LRP1B: variants seen among roughly 807,000 people sequenced by gnomAD.
LRP1B encodes LDL receptor related protein 1B.
LRP1B carries 217 observed loss-of-function variants against 556.6 expected under a neutral mutation model. That is an observed-to-expected ratio of 0.39 (90% confidence interval 0.35 to 0.44). The LOEUF is 0.44. Among genes scored for constraint, LRP1B ranks in the 20% least tolerant of loss-of-function variants. The pLI is 1.00. For missense variants in LRP1B, 5,053 were observed against 5,620.8 expected (o/e 0.90, Z 3.23); for synonymous variants, 2,047 against 1,865.8 (o/e 1.10, Z -2.50).
At chr2:140,406,185 C>A (rs1042676288) in intron 66 of LRP1B, among the ~76,000 whole-genome samples, 1 of 152,072 alleles carries the variant, frequency 6.6e-6, no homozygotes, top group Non-Finnish European at 1.5e-5. Flanking sequence ...ATAGACGGAA[C>A]TTATGTCAAA....
chr2:142,042,538 T>C (rs1704098868), intron 1 of LRP1B, among the ~76,000 whole-genome samples: 1 of 151,528 alleles, frequency 6.6e-6, no homozygotes. Flanking sequence ...CAGGTAGTTC[T>C]GAATTATGAC....
chr2:141,037,632 T>C (rs1161827798), intron 11 of LRP1B, among the ~76,000 whole-genome samples: 1 of 152,000 alleles, frequency 6.6e-6, no homozygotes, highest in African/African-American at 2.4e-5. Flanking sequence ...CTCACAGTAA[T>C]TCTGCAGACC....
intron 2 of LRP1B, among the ~76,000 whole-genome samples, chr2:141,772,026 C>T (rs1694917406): frequency 6.6e-6 from 1 of 152,016 alleles, no homozygotes; most frequent in South Asian, 2.1e-4. Context: ...ACCATGTTGG[C>T]GAGGTTGTCT....
intron 3 of LRP1B, among the ~76,000 whole-genome samples, chr2:141,290,684 GAAAC>G (rs562784501): frequency 1.6e-4 from 24 of 151,954 alleles, no homozygotes; most frequent in South Asian, 8.3e-4. Context: ...GGTTCAGTAG[GAAAC>G]AAACAAACAA....
intron 75 of LRP1B, among the ~76,000 whole-genome samples, chr2:140,355,650 A>G (rs576068881): frequency 3.9e-5 from 6 of 151,980 alleles, no homozygotes; most frequent in African/African-American, 1.2e-4. Flanking sequence ...AGCCAGACTT[A>G]GTTATTTTAG....
chr2:141,493,851 C>A (rs376147987), intron 2 of LRP1B, among the ~76,000 whole-genome samples: 1 of 152,182 alleles, frequency 6.6e-6, no homozygotes, highest in Non-Finnish European at 1.5e-5. Context: ...ATCTCACATG[C>A]TTTGCCTTGA....
rs557072735 is a variant in LRP1B at position 141,294,175 on chromosome 2, A to G, written c.344-39534T>C. 6.6e-5 allele frequency among the ~76,000 whole-genome samples: 10 copies of G among 152,230 alleles called. No individual in the cohort carries two copies. In the East Asian group the frequency reaches 1.9e-3, roughly 29 times the overall value. ...CAAAAATATCTTTTTATTTTTTCAT[A>G]TGTTTCTAATGTGATTGTATTGCTT... On this transcript the variant is annotated intron_variant, in intron 3 of 90. Transcript: ENST00000389484.
chr2:141,752,309 A>T (rs1011636613), intron 2 of LRP1B, among the ~76,000 whole-genome samples: 1 of 152,294 alleles, frequency 6.6e-6, no homozygotes, highest in Non-Finnish European at 1.5e-5. Context: ...ACATAAATGT[A>T]AAAGCCCCTA....
chr2:141,714,520 T>C lies in LRP1B; in HGVS notation c.205+95759A>G, dbSNP rs534891243. Among the ~76,000 whole-genome samples, 18 of 151,662 alleles carry C rather than the reference T, an allele frequency of 1.2e-4. No individual in the cohort carries two copies. The South Asian group carries it at 3.8e-3, about 32-fold the overall frequency. On this transcript the variant is annotated intron_variant, in intron 2 of 90. Transcript: ENST00000389484. ...GTTTTGGAAGTTCATATTAAAAGGT[T>C]CAAATGGCTTTTCCTTTGCAGATTC... is the stretch of plus-strand genomic sequence containing the variant.
At chr2:140,841,530 T>A (rs987233418) in intron 29 of LRP1B, among the ~76,000 whole-genome samples, 1 of 152,114 alleles carries the variant, frequency 6.6e-6, no homozygotes, top group Admixed American at 6.6e-5. Flanking sequence ...TAAAATGAAA[T>A]AAAACAATTC....
chr2:140,601,139 A>T (rs1229370321), intron 42 of LRP1B, among the ~76,000 whole-genome samples: 1 of 150,242 alleles, frequency 6.7e-6, no homozygotes, highest in Non-Finnish European at 1.5e-5. Flanking sequence ...TTTTAAATAT[A>T]TGGTTCCAAT....
At chr2:141,240,574 C>T (rs548320650) in intron 5 of LRP1B, among the ~76,000 whole-genome samples, 141 of 151,522 alleles carry the variant, frequency 9.3e-4, no homozygotes, top group African/African-American at 2.4e-3. Context: ...TTAAAATATC[C>T]AATTTTAAGA....
intron 3 of LRP1B, among the ~76,000 whole-genome samples, chr2:141,445,052 G>C (rs1681135374): frequency 6.6e-6 from 1 of 152,122 alleles, no homozygotes. Context: ...GAATCTGTCT[G>C]GTCCTGGACT....
intron 57 of LRP1B, among the ~76,000 whole-genome samples, chr2:140,489,967 G>C (rs1182534508): frequency 6.6e-6 from 1 of 152,126 alleles, no homozygotes; most frequent in East Asian, 1.9e-4. Context: ...AGCCAAGCTG[G>C]TCATTTTTCT....
At chr2:140,431,873 G>A (rs530331744) in intron 66 of LRP1B, among the ~76,000 whole-genome samples, 1 of 151,996 alleles carries the variant, frequency 6.6e-6, no homozygotes, top group East Asian at 1.9e-4. Flanking sequence ...AATCCCTCTC[G>A]AAGCAGCCCT....
At chr2:140,775,834 A>AT (rs1689474516) in intron 33 of LRP1B, among the ~76,000 whole-genome samples, 2 of 152,050 alleles carry the variant, frequency 1.3e-5, no homozygotes, top group African/African-American at 2.4e-5. Context: ...TTATTCTTGT[A>AT]TTTTTTTAGT....
At chr2:140,496,044 C>A (rs1297385447) in intron 55 of LRP1B, among the ~76,000 whole-genome samples, 3 of 152,086 alleles carry the variant, frequency 2.0e-5, no homozygotes, top group African/African-American at 7.2e-5. Context: ...AAGAGTGAAA[C>A]TTTCTACTTC....
At chr2:141,291,371 T>C (rs151212198) in intron 3 of LRP1B, among the ~76,000 whole-genome samples, 1 of 152,326 alleles carries the variant, frequency 6.6e-6, no homozygotes, top group Non-Finnish European at 1.5e-5. Context: ...TTTTTATATA[T>C]GTAATTTGTG....
At chr2:140,938,602 G>A (rs181665246) in intron 20 of LRP1B, among the ~76,000 whole-genome samples, 16 of 152,192 alleles carry the variant, frequency 1.1e-4, no homozygotes, top group African/African-American at 3.9e-4. Context: ...TAGCTGCAGA[G>A]ACAGGTGACT....
Sources: allele counts gnomAD v4.1 joint callset (sites outside exome capture counted in the v4.1 genomes callset), GRCh38; gene constraint gnomAD v4.1.1; transcripts MANE v1.5; gene names NCBI Gene and HGNC (gene_info 2026-07-23, HGNC 2026-07-21).